The following MEF2A variants were observed in gnomAD, a reference collection of about 807,000 sequenced individuals.
MEF2A encodes the protein myocyte-specific enhancer factor 2A.
MEF2A carries 28 observed loss-of-function variants against 55.8 expected under a neutral mutation model. The observed-to-expected ratio is 0.50, with a 90% CI of 0.37 to 0.69. The LOEUF is 0.69. Ranked by LOEUF, MEF2A falls within the 30% of genes least tolerant of loss-of-function variation. The pLI, the probability that MEF2A is intolerant of heterozygous loss-of-function variation, is 0.00. For missense variants in MEF2A, 528 were observed against 626.2 expected (o/e 0.84, Z 1.67); for synonymous variants, 239 against 227.1 (o/e 1.05, Z -0.47).
intron 7 of MEF2A, among the ~76,000 whole-genome samples, chr15:99,685,851 TACTCTGTC>T (rs2054112673): frequency 6.6e-6 from 1 of 152,228 alleles, no homozygotes; most frequent in Admixed American, 6.5e-5. Context: ...GATTCTTTCT[TACTCTGTC>T]ATTTGGAATG....
chr15:99,610,324 C>T (rs1197044809), intron 2 of MEF2A, among the ~76,000 whole-genome samples: 1 of 150,314 alleles, frequency 6.7e-6, no homozygotes, highest in Non-Finnish European at 1.5e-5. Flanking sequence ...TATTGATTGG[C>T]AGATTTAATC....
At position 99,692,569 on chromosome 15, in the gene MEF2A, G is replaced by A. The variant is rs577927765; in HGVS notation, c.858+2141G>A. Among the ~76,000 whole-genome samples, 4 of 152,286 alleles carry A rather than the reference G, an allele frequency of 2.6e-5. No individual in the cohort carries two copies. In the East Asian group the frequency reaches 7.7e-4, roughly 29 times the overall value. On this transcript the variant is annotated intron_variant, in intron 8 of 11. Coordinates refer to ENST00000557942, the MANE Select transcript of MEF2A (RefSeq NM_001319206.4). ...TAGGGTGATTGGTGAATTGCTGGAG[G>A]CCAGGTGTACACTGACAGAACTGTG...
intron 4 of MEF2A, among the ~76,000 whole-genome samples, chr15:99,652,111 A>T: frequency 6.6e-6 from 1 of 152,174 alleles, no homozygotes; most frequent in East Asian, 1.9e-4. Context: ...GAGGATGGAG[A>T]TAAAGTTGCT....
At chr15:99,691,328 C>G (rs1167783219) in intron 8 of MEF2A, among the ~76,000 whole-genome samples, 1 of 152,134 alleles carries the variant, frequency 6.6e-6, no homozygotes, top group Non-Finnish European at 1.5e-5. Flanking sequence ...TATTTATTCT[C>G]TGTACTTTGT....
intron 8 of MEF2A, among the ~76,000 whole-genome samples, chr15:99,702,746 G>A (rs1170462559): frequency 6.6e-6 from 1 of 152,060 alleles, no homozygotes; most frequent in African/African-American, 2.4e-5. Context: ...CAAATATGTG[G>A]TTTTTCTCCA....
rs552934087 is a variant in MEF2A at position 99,676,951 on chromosome 15, T to C, written c.670+1493T>C. 9.2e-5 allele frequency among the ~76,000 whole-genome samples: 14 copies of C among 152,012 alleles called. No individual in the cohort carries two copies. In the South Asian group the frequency reaches 2.7e-3, roughly 29 times the overall value. ...GCCTGGCCCACATGGCAAAACCCCA[T>C]CTCTACTAAAAATACAAAAATTAGC... On this transcript the variant is annotated intron_variant, in intron 7 of 11. Coordinates refer to ENST00000557942, the MANE Select transcript of MEF2A (RefSeq NM_001319206.4).
Position 99,706,834 on chromosome 15 carries a change from A to T in MEF2A, c.988A>T (p.Met330Leu), listed in dbSNP as rs373204094. The T allele has an allele frequency of 8.1e-6, 13 of 1,613,932 alleles. No homozygotes were observed. Among genetic ancestry groups the T allele is most frequent in the Non-Finnish European group, 1.1e-5 (13 of 1,179,900 alleles). The change falls in exon 10 of 12, where the codon ATG becomes TTG. Residue 330 changes from methionine to leucine, a missense_variant. Around this residue, in one of 2 missense-constraint regions of MEF2A, gnomAD observed 450 missense variants for 475.3 expected, o/e 0.95. Transcript: ENST00000557942. Reference sequence around the variant, plus strand: ...TCCGCAAGGACTTGTGTACTCAGCAATGCCGACTGCCTACAACACTGGTGA... The same window carrying T: ...TCCGCAAGGACTTGTGTACTCAGCATTGCCGACTGCCTACAACACTGGTGA... ...LPPQGLVYSAMPTAYNTDYSL... is the reference protein window; with the variant it reads ...LPPQGLVYSALPTAYNTDYSL...
intron 1 of MEF2A, among the ~76,000 whole-genome samples, chr15:99,572,464 G>A (rs911611427): frequency 6.6e-6 from 1 of 152,102 alleles, no homozygotes; most frequent in African/African-American, 2.4e-5. Flanking sequence ...GTGTATACCT[G>A]GTTTGTTTAG....
At chr15:99,654,606 T>G (rs1053851649) in intron 4 of MEF2A, among the ~76,000 whole-genome samples, 1 of 151,752 alleles carries the variant, frequency 6.6e-6, no homozygotes, top group Non-Finnish European at 1.5e-5. Flanking sequence ...TTATTTCATG[T>G]AAGAAAAATT....
At chr15:99,669,849 A>G (rs1398900486) in intron 4 of MEF2A, among the ~76,000 whole-genome samples, 2 of 152,226 alleles carry the variant, frequency 1.3e-5, no homozygotes, top group East Asian at 3.8e-4. Flanking sequence ...AAAGGATACT[A>G]AGATCTGCTA....
At chr15:99,616,313 C>T (rs1261758799) in intron 2 of MEF2A, among the ~76,000 whole-genome samples, 1 of 152,038 alleles carries the variant, frequency 6.6e-6, no homozygotes, top group Non-Finnish European at 1.5e-5. Flanking sequence ...GACAAAATTA[C>T]AATATTGATG....
intron 4 of MEF2A, among the ~76,000 whole-genome samples, chr15:99,669,538 A>T (rs1174840631): frequency 1.3e-5 from 2 of 152,226 alleles, no homozygotes; most frequent in African/African-American, 2.4e-5. Flanking sequence ...ATAAAAGTCC[A>T]TGTGATTACT....
intron 2 of MEF2A, among the ~76,000 whole-genome samples, chr15:99,602,577 C>A (rs1055812422): frequency 2.0e-5 from 3 of 151,676 alleles, no homozygotes; most frequent in Admixed American, 1.3e-4. Context: ...TGGCTTGGGC[C>A]GCGACCAATT....
At chr15:99,629,576 TAAGGA>T (rs1007121229) in intron 2 of MEF2A, among the ~76,000 whole-genome samples, 2 of 151,762 alleles carry the variant, frequency 1.3e-5, no homozygotes, top group Non-Finnish European at 2.9e-5. Flanking sequence ...TCTTTCCAAA[TAAGGA>T]AAGGAATGTG....
intron 2 of MEF2A, among the ~76,000 whole-genome samples, chr15:99,627,036 C>T (rs1469611444): frequency 4.6e-5 from 7 of 151,928 alleles, no homozygotes; most frequent in Admixed American, 3.9e-4. Flanking sequence ...GATTGGCATG[C>T]TAATTTTTTT....
chr15:99,691,471 G>T (rs1031397588), intron 8 of MEF2A, among the ~76,000 whole-genome samples: 1 of 152,144 alleles, frequency 6.6e-6, no homozygotes, highest in Non-Finnish European at 1.5e-5. Context: ...GCCAGGGCGG[G>T]CGGATCACCT....
At chr15:99,698,024 CACAAA>C (rs1417938777) in intron 8 of MEF2A, among the ~76,000 whole-genome samples, 20 of 152,224 alleles carry the variant, frequency 1.3e-4, no homozygotes, top group Middle Eastern at 3.4e-3. Context: ...TACATCCATA[CACAAA>C]ACAAAAACAA....
At chr15:99,698,343 T>TA (rs1420052913) in intron 8 of MEF2A, among the ~76,000 whole-genome samples, 2 of 152,100 alleles carry the variant, frequency 1.3e-5, no homozygotes, top group African/African-American at 4.8e-5. Flanking sequence ...AAAACATTTT[T>TA]AAAAGGGCAC....
intron 2 of MEF2A, among the ~76,000 whole-genome samples, chr15:99,598,892 G>C (rs1972097333): frequency 6.6e-6 from 1 of 152,080 alleles, no homozygotes; most frequent in African/African-American, 2.4e-5. Flanking sequence ...ATGAGCTGAG[G>C]AAAGATTTTC....
Sources: allele counts gnomAD v4.1 joint callset (sites outside exome capture counted in the v4.1 genomes callset), GRCh38; gene constraint gnomAD v4.1.1; regional missense constraint gnomAD v4.1.1; transcripts MANE v1.5; gene names NCBI Gene and HGNC (gene_info 2026-07-23, HGNC 2026-07-21).